The following SMIM7 variants were observed in gnomAD, a reference collection of about 807,000 sequenced individuals.
The protein encoded by SMIM7 is UPF0608 protein C19orf42.
SMIM7 carries 12 observed loss-of-function variants against 13.3 expected under a neutral mutation model. That is an observed-to-expected ratio of 0.90 (90% confidence interval 0.58 to 1.46). The LOEUF (loss-of-function observed/expected upper bound fraction) is 1.46. Among genes scored for constraint, SMIM7 ranks in the 40% most tolerant of loss-of-function variants. The probability of loss-of-function intolerance (pLI) is 0.00; values close to 1 mark genes in which losing one functional copy is unlikely to be tolerated. For missense variants in SMIM7, 114 were observed against 94.8 expected (o/e 1.20, Z -0.84); for synonymous variants, 36 against 35.8 (o/e 1.01, Z -0.02).
chr19:16,639,244 T>C (rs996698756), intron 4 of SMIM7, among the ~76,000 whole-genome samples: 40 of 150,174 alleles, frequency 2.7e-4, no homozygotes, highest in Admixed American at 2.6e-3. Context: ...TGCCTCAGCC[T>C]CCCGAGTAGC....
intron 4 of SMIM7, among the ~76,000 whole-genome samples, chr19:16,651,087 T>TA (rs1270470550): frequency 6.6e-6 from 1 of 152,168 alleles, no homozygotes; most frequent in Non-Finnish European, 1.5e-5. Context: ...CTTGGACACT[T>TA]AGGTGATTTC....
At chr19:16,642,775 C>G (rs191422926), downstream of SMIM7, among the ~76,000 whole-genome samples, 1 of 151,058 alleles carries the variant, frequency 6.6e-6, no homozygotes, top group African/African-American at 2.4e-5. Flanking sequence ...ACAGTGAGCT[C>G]TCATCACGCC....
intron 3 of SMIM7, 137 bp downstream of exon 3, chr19:16,659,257 TG>T: frequency 2.5e-6 from 2 of 814,408 alleles, no homozygotes; most frequent in Non-Finnish European, 3.8e-6. Flanking sequence ...CACTCCAACC[TG>T]GACAACAGAG....
At chr19:16,636,685 C>T (rs1323908448) in intron 4 of SMIM7, among the ~76,000 whole-genome samples, 1 of 152,232 alleles carries the variant, frequency 6.6e-6, no homozygotes, top group Non-Finnish European at 1.5e-5. Flanking sequence ...GGCACAATGG[C>T]CCATGCCTAT....
At chr19:16,650,264 A>C (rs2086506636) in intron 4 of SMIM7, among the ~76,000 whole-genome samples, 2 of 152,172 alleles carry the variant, frequency 1.3e-5, no homozygotes, top group Admixed American at 1.3e-4. Flanking sequence ...ATACCTATCC[A>C]TCTATCTAAC....
chr19:16,635,362 C>CA (rs34121937), intron 4 of SMIM7: 5,181 of 95,360 alleles, frequency 0.054, 175 homozygotes, highest in African/African-American at 0.1. Flanking sequence ...GACACCATCT[C>CA]AAAAAAAAAA....
intron 4 of SMIM7, chr19:16,652,326 C>T (rs1490886638): frequency 1.9e-5 from 3 of 157,422 alleles, no homozygotes; most frequent in South Asian, 2.0e-4. Context: ...CTCAGCCTCC[C>T]GAGGAGCTGG....
At chr19:16,658,472 T>TA (rs1389421727) in intron 3 of SMIM7, among the ~76,000 whole-genome samples, 13 of 152,138 alleles carry the variant, frequency 8.5e-5, no homozygotes, top group South Asian at 2.1e-4. Context: ...AGGCAGATGA[T>TA]AGACATATGA....
chr19:16,637,701 A>G (rs558519949), intron 4 of SMIM7, among the ~76,000 whole-genome samples: 1 of 152,304 alleles, frequency 6.6e-6, no homozygotes, highest in African/African-American at 2.4e-5. Context: ...AGAACTTCTC[A>G]GGGTGCCTCC....
Position 16,646,920 on chromosome 19 carries a change from C to T in SMIM7, c.*326G>A. On this transcript the variant is annotated 3_prime_UTR_variant, in exon 5 of 5. Transcript: ENST00000487416. ...GCTGTGTTAAACTAACAAGCCAATC[C>T]TTCTGCTCAGATCTCTGGATAGAAA... 2.4e-6 allele frequency: 1 copy of T among 410,838 alleles called. No individual in the cohort carries two copies. Among genetic ancestry groups the T allele is most frequent in the Non-Finnish European group, 4.4e-6 (1 of 224,782 alleles). The allele number at this position is 410,838 out of a possible 1,614,324, so 25.4% of individuals were successfully genotyped here.
chr19:16,647,530 G>T (rs1345702462), intron 4 of SMIM7, among the ~76,000 whole-genome samples: 2 of 148,142 alleles, frequency 1.4e-5, no homozygotes, highest in African/African-American at 5.0e-5. Context: ...ATCTCAGCTC[G>T]CTGCAACCTC....
chr19:16,653,041 A>C, intron 4 of SMIM7: 1 of 1,469,922 alleles, frequency 6.8e-7, no homozygotes, highest in Non-Finnish European at 9.2e-7. Context: ...CAGGTGGAGC[A>C]GGATCTGGCA....
At chr19:16,639,158 G>A (rs973373592) in intron 4 of SMIM7, among the ~76,000 whole-genome samples, 4 of 132,600 alleles carry the variant, frequency 3.0e-5, no homozygotes, top group African/African-American at 5.9e-5. Context: ...GTCTTGCTCT[G>A]TCGCCCAGGC....
downstream of SMIM7, chr19:16,645,187 C>T (rs1209125224): frequency 6.6e-6 from 1 of 152,102 alleles, no homozygotes; most frequent in African/African-American, 2.4e-5. Context: ...GAAAAAGCCA[C>T]GCTGCTATTA....
intron 4 of SMIM7, among the ~76,000 whole-genome samples, chr19:16,651,507 T>G (rs1339903092): frequency 6.6e-6 from 1 of 152,124 alleles, no homozygotes; most frequent in East Asian, 1.9e-4. Context: ...GACCCTGGGC[T>G]ACTGACTATG....
downstream of SMIM7, among the ~76,000 whole-genome samples, chr19:16,644,118 GT>G (rs557600997): frequency 8.9e-3 from 759 of 85,440 alleles, 3 homozygotes; most frequent in African/African-American, 0.026. Flanking sequence ...AATTGTTTGC[GT>G]TTTTTTTTTT....
intron 4 of SMIM7, among the ~76,000 whole-genome samples, chr19:16,649,028 A>C (rs1410900939): frequency 3.9e-5 from 6 of 152,132 alleles, no homozygotes; most frequent in Non-Finnish European, 8.8e-5. Context: ...TTCAAAAACA[A>C]ACAAAAAACT....
rs777856054 is a variant in SMIM7, at chr19:16,637,618, C to T, written c.*138-5894G>A. Among the ~76,000 whole-genome samples, 3 of 152,216 alleles carry T rather than the reference C, an allele frequency of 2.0e-5. No individual in the cohort carries two copies. The South Asian group carries it at 6.2e-4, about 32-fold the overall frequency. ...GGAGGATGTTGAAATCTGAGACCCT[C>T]CCATGGTTGAGGCCACCAGTCACTT... On this transcript the variant is annotated intron_variant and NMD_transcript_variant, in intron 4 of 4. Coordinates refer to the SMIM7 transcript ENST00000465250.
downstream of SMIM7, among the ~76,000 whole-genome samples, chr19:16,642,559 A>T (rs967129801): frequency 2.0e-5 from 3 of 151,752 alleles, no homozygotes; most frequent in Admixed American, 6.6e-5. Context: ...CAAACAAAAA[A>T]GAATGATATT....
Sources: allele counts gnomAD v4.1 joint callset (sites outside exome capture counted in the v4.1 genomes callset), GRCh38; gene constraint gnomAD v4.1.1; transcripts MANE v1.5; gene names NCBI Gene and HGNC (gene_info 2026-07-23, HGNC 2026-07-21).